NUBPL: variants seen among roughly 807,000 people sequenced by gnomAD.
NUBPL encodes NUBP iron-sulfur cluster assembly factor, mitochondrial, also known as iron-sulfur cluster transfer protein NUBPL.
NUBPL carries 31 observed loss-of-function variants against 45.7 expected under a neutral mutation model. The observed-to-expected ratio is 0.68, with a 90% CI of 0.51 to 0.92. The LOEUF (loss-of-function observed/expected upper bound fraction) is 0.92, where lower values mean the gene tolerates loss of function less well. Ranked by LOEUF, NUBPL falls within the 40% of genes least tolerant of loss-of-function variation. NUBPL has a pLI of 0.00. For synonymous variants in NUBPL, 144 were observed against 140.9 expected, an observed-to-expected ratio of 1.02 and a Z score of -0.15; for missense variants, 401 against 398.7, an observed-to-expected ratio of 1.01 and a Z score of -0.05.
At chr14:31,570,625 G>T (rs1190821374) in intron 3 of NUBPL, among the ~76,000 whole-genome samples, 1 of 152,152 alleles carries the variant, frequency 6.6e-6, no homozygotes, top group East Asian at 1.9e-4. Context: ...TCATCAGCAA[G>T]CAAATATCCC....
rs190151773 is a variant in NUBPL, at chr14:31,639,223, A to G, written c.383-34132A>G. ...TTTCCCCATCTTTGTGGTTTTGTCT[A>G]CTTTTGGTCTTTGATGATGGTGATG... On this transcript the variant is annotated intron_variant, in intron 4 of 10. Coordinates refer to ENST00000281081, the MANE Select transcript of NUBPL (RefSeq NM_025152.3). Among the ~76,000 whole-genome samples the G allele has an allele frequency of 3.0e-4, 46 of 151,724 alleles. No individual in the cohort carries two copies. In the East Asian group the frequency reaches 5.8e-3, roughly 19 times the overall value.
chr14:31,599,484 T>C (rs2139557437), intron 4 of NUBPL, 105 bp downstream of exon 4: 1 of 783,934 alleles, frequency 1.3e-6, no homozygotes, highest in Non-Finnish European at 2.1e-6. Context: ...ATGCACAATG[T>C]AGTGTAAGTC....
intron 4 of NUBPL, among the ~76,000 whole-genome samples, chr14:31,642,162 C>G (rs1238563166): frequency 2.6e-5 from 4 of 152,130 alleles, no homozygotes; most frequent in Non-Finnish European, 5.9e-5. Context: ...GTTTCCTTAG[C>G]TGTGCAGAAG....
chr14:31,664,770 G>T (rs2036364188), intron 4 of NUBPL, among the ~76,000 whole-genome samples: 1 of 152,158 alleles, frequency 6.6e-6, no homozygotes. Flanking sequence ...TTAGGGAGGA[G>T]TCCCTCTTTT....
At chr14:31,668,730 A>G (rs2036498604) in intron 4 of NUBPL, among the ~76,000 whole-genome samples, 1 of 152,202 alleles carries the variant, frequency 6.6e-6, no homozygotes, top group African/African-American at 2.4e-5. Context: ...CAAAAACCGT[A>G]GGAAAAGCCT....
chr14:31,709,300 C>G (rs2037519090), intron 6 of NUBPL, among the ~76,000 whole-genome samples: 1 of 152,192 alleles, frequency 6.6e-6, no homozygotes, highest in Non-Finnish European at 1.5e-5. Context: ...GATTTTCTTC[C>G]TTTCCCTGAG....
intron 6 of NUBPL, among the ~76,000 whole-genome samples, chr14:31,704,963 C>T (rs1185836927): frequency 6.6e-6 from 1 of 152,116 alleles, no homozygotes; most frequent in East Asian, 1.9e-4. Flanking sequence ...TTTCTTCCTT[C>T]TGGTGGGTTT....
chr14:31,798,970 A>G (rs1188952982), intron 7 of NUBPL, among the ~76,000 whole-genome samples: 2 of 152,088 alleles, frequency 1.3e-5, no homozygotes, highest in East Asian at 3.9e-4. Context: ...AATGTATAGT[A>G]TTTTCTAGAA....
At chr14:31,665,503 C>A (rs921596314) in intron 4 of NUBPL, among the ~76,000 whole-genome samples, 18 of 152,168 alleles carry the variant, frequency 1.2e-4, no homozygotes, top group African/African-American at 4.3e-4. Flanking sequence ...CATTCAGGAG[C>A]AGGTTTTTCA....
At chr14:31,821,980 T>C (rs2040025264) in intron 7 of NUBPL, among the ~76,000 whole-genome samples, 1 of 152,094 alleles carries the variant, frequency 6.6e-6, no homozygotes. Context: ...GGATCTGAAA[T>C]TAAAACAATT....
At chr14:31,854,979 T>C (rs7145251) in intron 10 of NUBPL, among the ~76,000 whole-genome samples, 24,946 of 152,254 alleles carry the variant, frequency 0.16, 6,075 homozygotes, top group African/African-American at 0.53. Context: ...GAATGTGATA[T>C]ATTAGAAGTC....
At chr14:31,759,089 AAAAAAGGTCTCCTAAGTCC>A (rs1270731779) in intron 6 of NUBPL, among the ~76,000 whole-genome samples, 1 of 152,206 alleles carries the variant, frequency 6.6e-6, no homozygotes, top group Non-Finnish European at 1.5e-5. Flanking sequence ...AAAAAACAAA[AAAAAAGGTCTCCTAAGTCC>A]AAAGTGCTAT....
At chr14:31,826,853 C>T in intron 8 of NUBPL, 139 bp downstream of exon 8, 1 of 762,702 alleles carries the variant, frequency 1.3e-6, no homozygotes, top group Non-Finnish European at 2.3e-6. Context: ...ATTTTGGTGA[C>T]TTTAAAAACA....
At chr14:31,572,876 G>T (rs368491203) in intron 3 of NUBPL, among the ~76,000 whole-genome samples, 1 of 152,154 alleles carries the variant, frequency 6.6e-6, no homozygotes, top group African/African-American at 2.4e-5. Context: ...GCATGTTACT[G>T]TACTGAATAC....
Position 31,859,705 on chromosome 14 carries a change from G to C in NUBPL, c.*525G>C, listed in dbSNP as rs866511241. On this transcript the variant is annotated 3_prime_UTR_variant, in exon 11 of 11. Coordinates refer to ENST00000281081, the MANE Select transcript of NUBPL (RefSeq NM_025152.3). ...TAATGAATTTCAGTCTCCAGGAGTGGAGCCTGAACATATGTATTTTTAGTA... is the reference window on the plus strand; with the variant it reads ...TAATGAATTTCAGTCTCCAGGAGTGCAGCCTGAACATATGTATTTTTAGTA... 1 of 163,556 alleles carries C rather than the reference G, an allele frequency of 6.1e-6. No individual in the cohort carries two copies. Among genetic ancestry groups the C allele is most frequent in the Non-Finnish European group, 1.4e-5 (1 of 73,348 alleles). The allele number at this position is 163,556 out of a possible 1,614,324, so 10.1% of individuals were successfully genotyped here. A position where few individuals can be genotyped will look rare whatever the true frequency, so the allele number is the denominator to read the frequency against.
chr14:31,822,517 T>C (rs2040034622), intron 7 of NUBPL, among the ~76,000 whole-genome samples: 2 of 152,150 alleles, frequency 1.3e-5, no homozygotes, highest in African/African-American at 4.8e-5. Flanking sequence ...TTTGATGTAC[T>C]ATACAGCAAA....
intron 4 of NUBPL, among the ~76,000 whole-genome samples, chr14:31,669,796 GGTTTTTTTTTTT>G (rs1415036321): frequency 3.9e-5 from 2 of 51,730 alleles, no homozygotes; most frequent in Admixed American, 3.1e-4. Context: ...ACATGATCTT[GGTTTTTTTTTTT>G]GTTTTTTTTT....
intron 4 of NUBPL, among the ~76,000 whole-genome samples, chr14:31,626,598 T>A (rs551977023): frequency 3.9e-5 from 6 of 152,228 alleles, no homozygotes; most frequent in Non-Finnish European, 5.9e-5. Flanking sequence ...TTAGAGAATA[T>A]GTAAGATGGT....
intron 6 of NUBPL, among the ~76,000 whole-genome samples, chr14:31,756,241 T>C (rs1242003751): frequency 6.6e-6 from 1 of 152,208 alleles, no homozygotes; most frequent in African/African-American, 2.4e-5. Flanking sequence ...GTGAGGAAAG[T>C]CATTGGTAGC....
Sources: gnomAD v4.1 joint callset for allele counts (sites outside exome capture counted in the v4.1 genomes callset) on GRCh38, gnomAD v4.1.1 for gene constraint, MANE v1.5 for transcripts, NCBI Gene and HGNC (gene_info 2026-07-23, HGNC 2026-07-21) for gene names.